BRI3BP: variants seen among roughly 807,000 people sequenced by gnomAD.
The protein encoded by BRI3BP is BRI3-binding protein.
BRI3BP carries 7 observed loss-of-function variants against 15.8 expected under a neutral mutation model. That is an observed-to-expected ratio of 0.44 (90% CI 0.25 to 0.83). The LOEUF (loss-of-function observed/expected upper bound fraction) is 0.83, where lower values mean the gene tolerates loss of function less well. Among genes scored for constraint, BRI3BP ranks in the 40% least tolerant of loss-of-function variants. BRI3BP has a pLI of 0.20. For synonymous variants in BRI3BP, 192 were observed against 163.5 expected, an observed-to-expected ratio of 1.17 and a Z score of -1.33; for missense variants, 320 against 339.3, an observed-to-expected ratio of 0.94 and a Z score of 0.45.
chr12:124,999,224 T>C (rs1249736215), intron 1 of BRI3BP, among the ~76,000 whole-genome samples: 1 of 152,158 alleles, frequency 6.6e-6, no homozygotes, highest in Non-Finnish European at 1.5e-5. Context: ...CCCTTGCTCC[T>C]TGGTCGTAGT....
chr12:125,009,487 G>A (rs969434215), intron 1 of BRI3BP, among the ~76,000 whole-genome samples: 15 of 151,114 alleles, frequency 9.9e-5, no homozygotes, highest in African/African-American at 2.2e-4. Flanking sequence ...ACAAGGTTTC[G>A]CCATGTTGGC....
intron 2 of BRI3BP, among the ~76,000 whole-genome samples, chr12:125,017,327 T>TG (rs1955256378): frequency 2.2e-5 from 2 of 92,718 alleles, no homozygotes; most frequent in Admixed American, 2.7e-4. Context: ...CCCCTAATGT[T>TG]TTTTTTTTAT....
At chr12:125,003,874 G>A (rs1565902569) in intron 1 of BRI3BP, among the ~76,000 whole-genome samples, 1 of 151,842 alleles carries the variant, frequency 6.6e-6, no homozygotes, top group Non-Finnish European at 1.5e-5. Flanking sequence ...AATTGCTTGA[G>A]CCCAGGAGGC....
intron 2 of BRI3BP, among the ~76,000 whole-genome samples, chr12:125,022,708 G>T (rs964440433): frequency 1.3e-5 from 2 of 151,880 alleles, no homozygotes; most frequent in Non-Finnish European, 2.9e-5. Flanking sequence ...TATATTTTTA[G>T]TAGAGATGGG....
rs563003138 is a variant in BRI3BP at position 124,999,066 on chromosome 12, A to G, written c.213+5063A>G. Reference sequence around the variant, plus strand: ...GTACTCCAGCCTCAGGGACAGCACAAAACTCTTTGTCTCCAAAAAAAACAA... The same window carrying G: ...GTACTCCAGCCTCAGGGACAGCACAGAACTCTTTGTCTCCAAAAAAAACAA... On this transcript the variant is annotated intron_variant, in intron 1 of 2. Coordinates refer to ENST00000341446, the MANE Select transcript of BRI3BP (RefSeq NM_080626.6). 3.3e-5 allele frequency among the ~76,000 whole-genome samples: 5 copies of G among 152,254 alleles called. No individual in the cohort carries two copies. In the South Asian group the frequency reaches 8.3e-4, roughly 25 times the overall value.
Position 125,021,843 on chromosome 12 carries a change from G to A in BRI3BP, c.317-3148G>A, listed in dbSNP as rs118024294. 6.0e-3 allele frequency among the ~76,000 whole-genome samples: 920 copies of A among 152,144 alleles called. 51 individuals are homozygous for A. In the East Asian group the frequency reaches 0.14, roughly 23 times the overall value. Reference sequence around the variant, plus strand: ...ATCACCTCCTACCAGGTCCCTCCCTGGACACGTGGGGATTACAATTTGAAA... The same window carrying A: ...ATCACCTCCTACCAGGTCCCTCCCTAGACACGTGGGGATTACAATTTGAAA... On this transcript the variant is annotated intron_variant, in intron 2 of 2. Coordinates refer to ENST00000341446, the MANE Select transcript of BRI3BP (RefSeq NM_080626.6).
chr12:125,044,850 C>T, the BRI3BP span, among the ~76,000 whole-genome samples: 21 of 152,220 alleles, frequency 1.4e-4, no homozygotes, highest in Middle Eastern at 3.4e-3. Flanking sequence ...AAGTGATCCT[C>T]CTACCTCAGC....
In BRI3BP at chr12:125,025,627, A is replaced by G. The variant is rs1939532949; in HGVS notation, c.*197A>G. ...AAGAGCGGAAAGATCATTGACGTGGAACTACACACGAAGTGTAATTAGTGG... is the reference window on the plus strand; with the variant it reads ...AAGAGCGGAAAGATCATTGACGTGGGACTACACACGAAGTGTAATTAGTGG... On this transcript the variant is annotated 3_prime_UTR_variant, in exon 3 of 3. Coordinates refer to ENST00000341446, the MANE Select transcript of BRI3BP (RefSeq NM_080626.6). 3.4e-6 allele frequency: 2 copies of G among 580,022 alleles called. No individual in the cohort carries two copies. The highest frequency in any genetic ancestry group is 3.4e-5 in the Admixed American group (1 of 29,688). 35.9% of individuals were successfully genotyped at this position (580,022 alleles called of 1,614,324 possible).
chr12:125,001,236 T>G (rs1330279538), intron 1 of BRI3BP, among the ~76,000 whole-genome samples: 10 of 151,968 alleles, frequency 6.6e-5, no homozygotes, highest in Non-Finnish European at 1.2e-4. Flanking sequence ...TTTTGTATTT[T>G]TAGTAGAGAT....
chr12:125,039,869 C>T, the BRI3BP span, among the ~76,000 whole-genome samples: 1 of 152,138 alleles, frequency 6.6e-6, no homozygotes. Flanking sequence ...CTAGAGGCCA[C>T]GAGATGTGTG....
chr12:125,002,456 G>GTTT (rs1565902224), intron 1 of BRI3BP, among the ~76,000 whole-genome samples: 1 of 131,166 alleles, frequency 7.6e-6, no homozygotes. Context: ...TTTTTTTTTT[G>GTTT]TTTTGTTTTT....
chr12:124,996,798 G>A lies in BRI3BP; in HGVS notation c.213+2795G>A, dbSNP rs1291168486. Among the ~76,000 whole-genome samples, 7 of 132,696 alleles carry A rather than the reference G, an allele frequency of 5.3e-5. No homozygotes were observed. The East Asian group carries it at 9.0e-4, about 17-fold the overall frequency. The allele number at this position is 132,696 out of a possible 152,430, so 87.1% of individuals were successfully genotyped here. A position where few individuals can be genotyped will look rare whatever the true frequency, so the allele number is the denominator to read the frequency against. On this transcript the variant is annotated intron_variant, in intron 1 of 2. Coordinates refer to ENST00000341446, the MANE Select transcript of BRI3BP (RefSeq NM_080626.6). ...TTCCGAGATGGAGTATTGCTTTGTC[G>A]CCCAGGCTGGAATGCAGTGGTTCAG... is the stretch of plus-strand genomic sequence containing the variant.
chr12:124,997,300 C>T (rs895314315), intron 1 of BRI3BP, among the ~76,000 whole-genome samples: 3 of 136,588 alleles, frequency 2.2e-5, no homozygotes, highest in Non-Finnish European at 3.0e-5. Flanking sequence ...ACTGCAACCT[C>T]CGCCTCCCGG....
Position 125,003,288 on chromosome 12 carries a change from C to T in BRI3BP, c.214-9246C>T, listed in dbSNP as rs369265697. On this transcript the variant is annotated intron_variant, in intron 1 of 2. Coordinates refer to ENST00000341446, the MANE Select transcript of BRI3BP (RefSeq NM_080626.6). ...ATGTCCCCGGGTGTTGGATGTCCCC[C>T]GCCTGACTGCTGCAAGAAGAGCGCT... Among the ~76,000 whole-genome samples the T allele has an allele frequency of 1.9e-4, 29 of 152,120 alleles. No homozygotes were observed. In the East Asian group the frequency reaches 3.1e-3, roughly 16 times the overall value.
chr12:125,025,629 C>A lies in BRI3BP; in HGVS notation c.*199C>A. ...GAGCGGAAAGATCATTGACGTGGAA[C>A]TACACACGAAGTGTAATTAGTGGGG... is the stretch of plus-strand genomic sequence containing the variant. On this transcript the variant is annotated 3_prime_UTR_variant, in exon 3 of 3. Coordinates refer to ENST00000341446, the MANE Select transcript of BRI3BP (RefSeq NM_080626.6). The A allele has an allele frequency of 3.5e-6, 2 of 576,132 alleles. No homozygotes were observed. Among genetic ancestry groups the A allele is most frequent in the Non-Finnish European group, 6.0e-6 (2 of 335,460 alleles). 35.7% of individuals were successfully genotyped at this position (576,132 alleles called of 1,614,324 possible).
chr12:125,049,664 T>C, the BRI3BP span, among the ~76,000 whole-genome samples: 18 of 152,322 alleles, frequency 1.2e-4, no homozygotes, highest in Non-Finnish European at 2.6e-4. Context: ...CGCCCTTTTC[T>C]GGTTCTTCTT....
intron 1 of BRI3BP, among the ~76,000 whole-genome samples, chr12:125,003,954 A>G (rs1955118251): frequency 1.1e-5 from 1 of 94,976 alleles, no homozygotes; most frequent in South Asian, 3.9e-4. Context: ...CTCCATCTCA[A>G]AAACACACAC....
intron 2 of BRI3BP, among the ~76,000 whole-genome samples, chr12:125,016,088 C>T (rs559634975): frequency 6.6e-6 from 1 of 152,262 alleles, no homozygotes; most frequent in Non-Finnish European, 1.5e-5. Flanking sequence ...ATAGAGGCAT[C>T]GGCAGCGGAT....
intron 2 of BRI3BP, among the ~76,000 whole-genome samples, chr12:125,020,035 C>T (rs1473497303): frequency 1.3e-5 from 2 of 150,562 alleles, no homozygotes; most frequent in African/African-American, 4.9e-5. Context: ...CCTCAGCCTC[C>T]CGGGTTCCAG....
Sources: gnomAD v4.1 joint callset for allele counts (sites outside exome capture counted in the v4.1 genomes callset) on GRCh38, gnomAD v4.1.1 for gene constraint, MANE v1.5 for transcripts, NCBI Gene and HGNC (gene_info 2026-07-23, HGNC 2026-07-21) for gene names.